RGS6: variants seen among roughly 807,000 people sequenced by gnomAD.
The protein encoded by RGS6 is regulator of G-protein signaling 6.
Under a neutral mutation model 78.5 loss-of-function variants are expected in RGS6, and 30 were observed. The observed-to-expected ratio is 0.38, with a 90% confidence interval of 0.29 to 0.52. The LOEUF (loss-of-function observed/expected upper bound fraction) is 0.52, where lower values mean the gene tolerates loss of function less well. Ranked by LOEUF, RGS6 falls within the 20% of genes least tolerant of loss-of-function variation. The pLI is 0.85. For missense variants in RGS6, 495 were observed against 609.7 expected (o/e 0.81, Z 1.98); for synonymous variants, 206 against 206.0 (o/e 1.00, Z 0.00).
intron 2 of RGS6, among the ~76,000 whole-genome samples, chr14:71,968,777 T>C (rs540503571): frequency 1.3e-5 from 2 of 152,348 alleles, no homozygotes; most frequent in South Asian, 4.1e-4. Context: ...GATCTTTGAC[T>C]TTCATGTTTC....
chr14:72,006,870 G>A (rs1355405581), intron 2 of RGS6, among the ~76,000 whole-genome samples: 2 of 152,198 alleles, frequency 1.3e-5, no homozygotes, highest in Non-Finnish European at 2.9e-5. Context: ...TGGAAAAGCT[G>A]TAAGGATTAA....
At chr14:72,035,443 CTAT>C (rs1335504793) in intron 2 of RGS6, among the ~76,000 whole-genome samples, 1 of 151,124 alleles carries the variant, frequency 6.6e-6, no homozygotes, top group Non-Finnish European at 1.5e-5. Flanking sequence ...TTGTTTTTTT[CTAT>C]TATTTTTCTA....
rs551481964 is a variant in RGS6 at position 72,385,252 on chromosome 14, C to T, written c.184+33058C>T. The stretch of plus-strand genomic sequence containing the variant: ...ATTACACCTGAAATTACATCCTTTG[C>T]GGTTATCTCAATGTACTTTAAAATG... On this transcript the variant is annotated intron_variant, in intron 3 of 17. Transcript: ENST00000553525. Among the ~76,000 whole-genome samples the T allele has an allele frequency of 5.3e-5, 8 of 152,174 alleles. No individual in the cohort carries two copies. The East Asian group carries it at 1.2e-3, about 22-fold the overall frequency.
At chr14:71,942,986 T>A (rs1401782489) in intron 1 of RGS6, among the ~76,000 whole-genome samples, 1 of 152,158 alleles carries the variant, frequency 6.6e-6, no homozygotes, top group Non-Finnish European at 1.5e-5. Flanking sequence ...CATGGTAGAG[T>A]TCACTCATTC....
At chr14:72,382,347 A>G (rs1478799448) in intron 3 of RGS6, among the ~76,000 whole-genome samples, 1 of 152,222 alleles carries the variant, frequency 6.6e-6, no homozygotes, top group Non-Finnish European at 1.5e-5. Context: ...ACAGTTGCTC[A>G]ATGTCATTAA....
chr14:72,429,368 T>C (rs28455837), intron 3 of RGS6, among the ~76,000 whole-genome samples: 2,442 of 152,218 alleles, frequency 0.016, 64 homozygotes, highest in African/African-American at 0.057. Context: ...CCAGGTATAT[T>C]CTTGAAAAAC....
At chr14:72,247,618 A>G (rs1292208825) in intron 2 of RGS6, among the ~76,000 whole-genome samples, 6 of 152,246 alleles carry the variant, frequency 3.9e-5, no homozygotes, top group African/African-American at 1.4e-4. Context: ...CTCGAAGTTC[A>G]TGTGTTGAAA....
chr14:72,323,233 A>G (rs1478595782), intron 2 of RGS6, among the ~76,000 whole-genome samples: 1 of 152,132 alleles, frequency 6.6e-6, no homozygotes, highest in African/African-American at 2.4e-5. Flanking sequence ...CTTTCCACAA[A>G]CAGAAACTGG....
At chr14:72,277,572 G>C (rs968614314) in intron 2 of RGS6, among the ~76,000 whole-genome samples, 1 of 151,802 alleles carries the variant, frequency 6.6e-6, no homozygotes, top group African/African-American at 2.4e-5. Context: ...ATTCCAGCCT[G>C]GTGACAGAGA....
chr14:72,231,395 T>G (rs1311548550), intron 2 of RGS6, among the ~76,000 whole-genome samples: 1 of 152,214 alleles, frequency 6.6e-6, no homozygotes, highest in African/African-American at 2.4e-5. Context: ...TTGGAGTTTA[T>G]TTATTTACTC....
intron 6 of RGS6, 132 bp from the exon 7 acceptor site, chr14:72,465,626 A>ATGGG (rs573884289): frequency 2.9e-5 from 16 of 557,002 alleles, no homozygotes; most frequent in South Asian, 8.7e-5. Context: ...GGATGGGTGG[A>ATGGG]TGGATGGATG....
intron 12 of RGS6, among the ~76,000 whole-genome samples, chr14:72,493,178 C>G (rs1323913232): frequency 6.6e-6 from 1 of 152,168 alleles, no homozygotes. Context: ...ATTTTCCAGA[C>G]ACTCCAGGAA....
chr14:71,956,885 G>A (rs967140614), intron 1 of RGS6, among the ~76,000 whole-genome samples: 3 of 152,182 alleles, frequency 2.0e-5, no homozygotes, highest in African/African-American at 7.2e-5. Flanking sequence ...TAGTGAAGGT[G>A]AAGCGAAGGG....
At chr14:72,477,775 C>T (rs2153355861) in intron 11 of RGS6, among the ~76,000 whole-genome samples, 2 of 131,544 alleles carry the variant, frequency 1.5e-5, no homozygotes, top group Middle Eastern at 8.4e-3. Context: ...CCAGCCTAGG[C>T]AACAGAATGA....
Position 72,236,280 on chromosome 14 carries a change from T to C in RGS6, c.85-115815T>C, listed in dbSNP as rs185296033. Among the ~76,000 whole-genome samples, 22 of 152,328 alleles carry C rather than the reference T, an allele frequency of 1.4e-4. No homozygotes were observed. In the East Asian group the frequency reaches 4.2e-3, roughly 29 times the overall value. On this transcript the variant is annotated intron_variant, in intron 2 of 17. Coordinates refer to ENST00000553525, the MANE Select transcript of RGS6 (RefSeq NM_001204424.2). The stretch of plus-strand genomic sequence containing the variant: ...TGCTTCATCACTGGCTATCCATGTA[T>C]TCATCCCTCTCTTCATCTTATTTTT...
intron 1 of RGS6, among the ~76,000 whole-genome samples, chr14:71,948,738 C>CTTTTTTTTTTTTTTTTTTTTTTT (rs766352167): frequency 1.3e-5 from 1 of 75,220 alleles, no homozygotes; most frequent in East Asian, 4.7e-4. Flanking sequence ...CTCTCTCTCT[C>CTTTTTTTTTTTTTTTTTTTTTTT]TCTTTTTTTT....
downstream of RGS6, among the ~76,000 whole-genome samples, chr14:72,570,304 G>A (rs1289998693): frequency 6.6e-6 from 1 of 152,160 alleles, no homozygotes; most frequent in Non-Finnish European, 1.5e-5. Flanking sequence ...AGGGACTTGA[G>A]CCTCCTCAGA....
At chr14:72,206,659 T>G (rs1393893592) in intron 2 of RGS6, among the ~76,000 whole-genome samples, 1 of 152,078 alleles carries the variant, frequency 6.6e-6, no homozygotes, top group Non-Finnish European at 1.5e-5. Flanking sequence ...AAAAGAGAGT[T>G]TGTCCAGGGA....
intron 2 of RGS6, among the ~76,000 whole-genome samples, chr14:72,318,988 A>G (rs1371878815): frequency 1.3e-5 from 2 of 152,228 alleles, no homozygotes; most frequent in African/African-American, 4.8e-5. Flanking sequence ...ACCAACTCAC[A>G]ACATCCTGAC....
Sources: allele counts gnomAD v4.1 joint callset (sites outside exome capture counted in the v4.1 genomes callset), GRCh38; gene constraint gnomAD v4.1.1; transcripts MANE v1.5; gene names NCBI Gene and HGNC (gene_info 2026-07-23, HGNC 2026-07-21).